The following IKZF2 variants were observed in gnomAD, a reference collection of about 807,000 sequenced individuals.
IKZF2 encodes zinc finger protein Helios.
A neutral mutation model predicts 49.2 loss-of-function variants in IKZF2; 15 were observed. The observed-to-expected ratio is 0.30, with a 90% CI of 0.20 to 0.47. The LOEUF (loss-of-function observed/expected upper bound fraction) is 0.47, where lower values mean the gene tolerates loss of function less well. Among genes scored for constraint, IKZF2 ranks in the 20% least tolerant of loss-of-function variants. The pLI, the probability that IKZF2 is intolerant of heterozygous loss-of-function variation, is 1.00. For synonymous variants in IKZF2, 227 were observed against 221.4 expected (o/e 1.03, Z -0.23); for missense variants, 567 against 664.6 (o/e 0.85, Z 1.61).
chr2:213,124,623 G>C (rs1485035675), intron 4 of IKZF2, among the ~76,000 whole-genome samples: 1 of 152,232 alleles, frequency 6.6e-6, no homozygotes, highest in African/African-American at 2.4e-5. Context: ...CTGCTCTCAA[G>C]AGTATTTCAG....
intron 4 of IKZF2, among the ~76,000 whole-genome samples, chr2:213,121,370 T>C (rs952644742): frequency 2.0e-5 from 3 of 152,206 alleles, no homozygotes; most frequent in African/African-American, 7.2e-5. Context: ...GAGCTCTTCT[T>C]TCCTTTTGGC....
chr2:213,059,372 T>C (rs969969860), intron 4 of IKZF2, among the ~76,000 whole-genome samples: 2 of 151,714 alleles, frequency 1.3e-5, no homozygotes, highest in African/African-American at 4.8e-5. Context: ...AAGTCTTCAG[T>C]TATGGCTCCT....
Position 213,007,091 on chromosome 2 carries a change from T to C in IKZF2, c.*269A>G, listed in dbSNP as rs1379669440. ...TTTTTCAAAGCATGATATGCCTTGG[T>C]AGAAATGGACTGCTCTTAAATTCCC... On this transcript the variant is annotated 3_prime_UTR_variant, in exon 9 of 9. Coordinates refer to ENST00000434687, the MANE Select transcript of IKZF2 (RefSeq NM_001387220.1). The C allele has an allele frequency of 6.0e-6, 2 of 334,578 alleles. No homozygotes were observed. The highest frequency in any genetic ancestry group is 1.1e-5 in the Non-Finnish European group (2 of 184,032). 20.7% of individuals were successfully genotyped at this position (334,578 alleles called of 1,614,324 possible).
At chr2:213,099,787 G>A (rs56957899) in intron 4 of IKZF2, among the ~76,000 whole-genome samples, 6,076 of 152,032 alleles carry the variant, frequency 0.04, 258 homozygotes, top group African/African-American at 0.11. Flanking sequence ...CCCTTAGCTC[G>A]GCATCTCTAA....
intron 4 of IKZF2, among the ~76,000 whole-genome samples, chr2:213,109,030 A>C (rs1161824212): frequency 7.8e-6 from 1 of 128,034 alleles, no homozygotes; most frequent in Non-Finnish European, 1.6e-5. Flanking sequence ...TGTCTATGCC[A>C]TAATCATTCT....
intron 2 of IKZF2, among the ~76,000 whole-genome samples, chr2:213,149,206 A>G (rs910071817): frequency 1.3e-5 from 2 of 152,160 alleles, no homozygotes; most frequent in African/African-American, 4.8e-5. Flanking sequence ...TGACATTTTA[A>G]CCTACCCCAA....
chr2:213,078,925 T>C (rs1291913073), intron 4 of IKZF2, among the ~76,000 whole-genome samples: 1 of 152,272 alleles, frequency 6.6e-6, no homozygotes, highest in Non-Finnish European at 1.5e-5. Context: ...TGGTGAGTAC[T>C]AACTTCTGAT....
At chr2:213,126,561 C>T (rs1405512699) in intron 4 of IKZF2, among the ~76,000 whole-genome samples, 2 of 152,158 alleles carry the variant, frequency 1.3e-5, no homozygotes, top group East Asian at 3.9e-4. Flanking sequence ...CACTGAGATG[C>T]TTTAAGCTTA....
chr2:213,087,324 T>C (rs1164783210), intron 4 of IKZF2, among the ~76,000 whole-genome samples: 1 of 152,188 alleles, frequency 6.6e-6, no homozygotes, highest in Admixed American at 6.5e-5. Context: ...TAATCACATT[T>C]ATAATTCAGA....
chr2:213,121,844 A>G lies in IKZF2; in HGVS notation c.139+25864T>C, dbSNP rs189905843. Among the ~76,000 whole-genome samples the G allele has an allele frequency of 4.0e-4, 61 of 152,346 alleles. 2 individuals are homozygous for G. In the Middle Eastern group the frequency reaches 0.024, roughly 59 times the overall value. ...GCACACTAATCAGCTGTTGAAATCT[A>G]AACTGATTATTTCTGAAGTGTCAAC... On this transcript the variant is annotated intron_variant, in intron 4 of 8. Coordinates refer to ENST00000434687, the MANE Select transcript of IKZF2 (RefSeq NM_001387220.1).
At chr2:213,118,985 G>C (rs1380734695) in intron 4 of IKZF2, among the ~76,000 whole-genome samples, 1 of 152,156 alleles carries the variant, frequency 6.6e-6, no homozygotes, top group Non-Finnish European at 1.5e-5. Flanking sequence ...ATTAAACTAT[G>C]TCAGTCTCAA....
chr2:213,056,607 G>A (rs917228133), intron 5 of IKZF2: 34 of 664,028 alleles, frequency 5.1e-5, no homozygotes, highest in Middle Eastern at 3.5e-4. Flanking sequence ...TAAGAACTGT[G>A]GAAACTGAAT....
At chr2:213,138,242 G>C (rs1030162172) in intron 4 of IKZF2, among the ~76,000 whole-genome samples, 1 of 151,982 alleles carries the variant, frequency 6.6e-6, no homozygotes, top group Non-Finnish European at 1.5e-5. Context: ...AGATGATGAT[G>C]GTGGTGTCAT....
chr2:213,123,762 A>G (rs1044255242), intron 4 of IKZF2, among the ~76,000 whole-genome samples: 10 of 151,802 alleles, frequency 6.6e-5, no homozygotes, highest in Admixed American at 6.5e-4. Flanking sequence ...GGAAAAAGAC[A>G]TAATATATAT....
intron 4 of IKZF2, among the ~76,000 whole-genome samples, chr2:213,088,523 C>T (rs1475427959): frequency 6.6e-6 from 1 of 152,244 alleles, no homozygotes; most frequent in Middle Eastern, 3.4e-3. Context: ...ATTTGAGAGG[C>T]TGAGGCAGGG....
chr2:213,049,171 C>G (rs904334553), intron 6 of IKZF2, among the ~76,000 whole-genome samples: 1 of 151,780 alleles, frequency 6.6e-6, no homozygotes, highest in Admixed American at 6.6e-5. Context: ...TTTCAGAGTA[C>G]CCAATGACTA....
intron 4 of IKZF2, among the ~76,000 whole-genome samples, chr2:213,146,365 A>G (rs1008592189): frequency 2.6e-5 from 4 of 152,048 alleles, no homozygotes; most frequent in Admixed American, 6.6e-5. Flanking sequence ...GTATACATTC[A>G]CCTGCTAACT....
intron 6 of IKZF2, among the ~76,000 whole-genome samples, chr2:213,046,847 C>T (rs1403822601): frequency 6.6e-6 from 1 of 152,036 alleles, no homozygotes; most frequent in Non-Finnish European, 1.5e-5. Flanking sequence ...CCAGGCTTAC[C>T]TGGTACTTTC....
At position 213,000,397 on chromosome 2, in the gene IKZF2, A is replaced by T. The variant is rs1694790373; in HGVS notation, c.*6963T>A. ...AACACAAAATACCCTAGAAACTGTC[A>T]AGCAATTAGTCTTTAAAATAGTCTA... On this transcript the variant is annotated 3_prime_UTR_variant, in exon 9 of 9. Coordinates refer to ENST00000434687, the MANE Select transcript of IKZF2 (RefSeq NM_001387220.1). 1 of 151,252 alleles carries T rather than the reference A, an allele frequency of 6.6e-6. No individual in the cohort carries two copies. Among genetic ancestry groups the T allele is most frequent in the Non-Finnish European group, 1.5e-5 (1 of 67,490 alleles). The allele number at this position is 151,252 out of a possible 1,614,324, so 9.4% of individuals were successfully genotyped here.
Sources: gnomAD v4.1 joint callset for allele counts (sites outside exome capture counted in the v4.1 genomes callset) on GRCh38, gnomAD v4.1.1 for gene constraint, MANE v1.5 for transcripts, NCBI Gene and HGNC (gene_info 2026-07-23, HGNC 2026-07-21) for gene names.